LIPI: variants seen among roughly 807,000 people sequenced by gnomAD.
LIPI encodes the protein lipase I.
Under a neutral mutation model 50.6 loss-of-function variants are expected in LIPI, and 59 were observed. The ratio of observed to expected loss-of-function variants is 1.16; its 90% CI spans 0.94 to 1.45. The LOEUF is 1.45. LIPI is among the 40% of genes most tolerant of loss of function. LIPI has a pLI of 0.00. For missense variants in LIPI, 586 were observed against 536.3 expected (o/e 1.09, Z -0.92); for synonymous variants, 203 against 178.2 (o/e 1.14, Z -1.11).
intron 9 of LIPI, among the ~76,000 whole-genome samples, chr21:14,128,719 TC>T: frequency 1.3e-5 from 2 of 152,074 alleles, no homozygotes; most frequent in Non-Finnish European, 2.9e-5. Flanking sequence ...AACTGAAAAT[TC>T]CTTGCTTACA....
chr21:14,196,425 T>G (rs1423716539), intron 1 of LIPI, among the ~76,000 whole-genome samples: 1 of 152,068 alleles, frequency 6.6e-6, no homozygotes, highest in Non-Finnish European at 1.5e-5. Context: ...GTGGAAGGGA[T>G]TAATTGCAAA....
Position 14,204,928 on chromosome 21 carries a change from A to G in LIPI, c.46+5872T>C, listed in dbSNP as rs574721374. On this transcript the variant is annotated intron_variant, in intron 1 of 9. Transcript: ENST00000681601. ...TAGCACATACATTTAAAACATCTGT[A>G]CATAAAGAAACACTATAAACTAGAC... Among the ~76,000 whole-genome samples, 6 of 151,986 alleles carry G rather than the reference A, an allele frequency of 3.9e-5. No individual in the cohort carries two copies. The South Asian group carries it at 1.2e-3, about 31-fold the overall frequency.
intron 9 of LIPI, among the ~76,000 whole-genome samples, chr21:14,116,179 C>A (rs1017082790): frequency 3.3e-5 from 5 of 152,046 alleles, no homozygotes; most frequent in African/African-American, 1.2e-4. Flanking sequence ...GATGAGGAGT[C>A]CTAGGGCAGG....
In LIPI at chr21:14,180,138, A is replaced by G. The variant is rs543197318; in HGVS notation, c.643+1620T>C. 2.1e-3 allele frequency among the ~76,000 whole-genome samples: 326 copies of G among 152,194 alleles called. 2 individuals are homozygous for G. The Middle Eastern group carries it at 0.044, about 21-fold the overall frequency. On this transcript the variant is annotated intron_variant, in intron 4 of 9. Coordinates refer to ENST00000681601, the MANE Select transcript of LIPI (RefSeq NM_001302998.2). The stretch of plus-strand genomic sequence containing the variant: ...GAGATATGCCCTGGTCTCCTGCAGT[A>G]CCCTCAGGCTTCCTAGGGTGGGGAA...
At chr21:14,191,873 T>G (rs902455405) in intron 1 of LIPI, among the ~76,000 whole-genome samples, 3 of 152,202 alleles carry the variant, frequency 2.0e-5, no homozygotes, top group Admixed American at 2.0e-4. Context: ...TAGTCTGGCC[T>G]GTTAGAAAAG....
chr21:14,157,578 G>A (rs1270462251), intron 7 of LIPI, among the ~76,000 whole-genome samples: 2 of 151,800 alleles, frequency 1.3e-5, no homozygotes, highest in Non-Finnish European at 2.9e-5. Context: ...AGTATAAAAT[G>A]AGAAAAAGTT....
chr21:14,115,709 C>T (rs2016604111), intron 9 of LIPI, among the ~76,000 whole-genome samples: 2 of 152,108 alleles, frequency 1.3e-5, no homozygotes, highest in Admixed American at 6.5e-5. Context: ...ACGGAACCGA[C>T]TCAGGAGTTG....
intron 1 of LIPI, among the ~76,000 whole-genome samples, chr21:14,192,648 A>G (rs2019716514): frequency 2.0e-5 from 3 of 152,264 alleles, no homozygotes; most frequent in Admixed American, 6.5e-5. Context: ...TGATGAGATT[A>G]TAAGTGGACT....
At chr21:14,147,674 C>T (rs2017953574) in intron 8 of LIPI, among the ~76,000 whole-genome samples, 1 of 152,192 alleles carries the variant, frequency 6.6e-6, no homozygotes. Context: ...AAATTGGATT[C>T]TCTCCATGTA....
chr21:14,149,889 T>C lies in LIPI; in HGVS notation c.1118+2684A>G, dbSNP rs181319050. ...CTTCCAGCTGCTTTCATGGCTAGCG[T>C]TGGGTGTCTGCAGGTTTTCCAGGTG... On this transcript the variant is annotated intron_variant, in intron 8 of 9. Coordinates refer to ENST00000681601, the MANE Select transcript of LIPI (RefSeq NM_001302998.2). Among the ~76,000 whole-genome samples, 512 of 152,298 alleles carry C rather than the reference T, an allele frequency of 3.4e-3. 3 individuals are homozygous for C. The highest frequency in any genetic ancestry group is 6.2e-3 in the Non-Finnish European group (419 of 68,018).
At chr21:14,197,954 G>A (rs1037337565) in intron 1 of LIPI, among the ~76,000 whole-genome samples, 1 of 152,066 alleles carries the variant, frequency 6.6e-6, no homozygotes, top group African/African-American at 2.4e-5. Context: ...GAACAGATTG[G>A]GAGCCAATGT....
At chr21:14,194,083 T>C (rs556497182) in intron 1 of LIPI, among the ~76,000 whole-genome samples, 1 of 152,146 alleles carries the variant, frequency 6.6e-6, no homozygotes, top group Non-Finnish European at 1.5e-5. Context: ...AAATCAAAAG[T>C]ATAATGAGAT....
intron 7 of LIPI, among the ~76,000 whole-genome samples, chr21:14,161,290 C>T (rs1379163770): frequency 6.8e-6 from 1 of 146,446 alleles, no homozygotes; most frequent in Admixed American, 7.0e-5. Flanking sequence ...TACGTATATT[C>T]CATAAATAGT....
In LIPI at chr21:14,210,876, C is replaced by G. The variant is rs1374093648; in HGVS notation, c.-31G>C. On this transcript the variant is annotated 5_prime_UTR_variant, in exon 1 of 10. It removes the in-frame stop codon of an upstream open reading frame in the 5' UTR. Coordinates refer to ENST00000681601, the MANE Select transcript of LIPI (RefSeq NM_001302998.2). ...ATCTGAGAAAAGCAAAAACAGCACT[C>G]AATTCACCAAAAAGGAAATTCCGTA... 1 of 1,203,306 alleles carries G rather than the reference C, an allele frequency of 8.3e-7. No individual in the cohort carries two copies. Among genetic ancestry groups the G allele is most frequent in the South Asian group, 1.5e-5 (1 of 65,962 alleles). The allele number at this position is 1,203,306 out of a possible 1,614,324, so 74.5% of individuals were successfully genotyped here. A position where few individuals can be genotyped will look rare whatever the true frequency, so the allele number is the denominator to read the frequency against.
chr21:14,180,725 C>T (rs993525066), intron 4 of LIPI, among the ~76,000 whole-genome samples: 1 of 152,130 alleles, frequency 6.6e-6, no homozygotes, highest in Non-Finnish European at 1.5e-5. Flanking sequence ...AGTAGGTGAA[C>T]CTAGATTCCA....
chr21:14,151,802 T>C (rs1430738286), intron 8 of LIPI, among the ~76,000 whole-genome samples: 2 of 152,084 alleles, frequency 1.3e-5, no homozygotes, highest in African/African-American at 2.4e-5. Flanking sequence ...GTACACACAC[T>C]TGCACATACA....
At chr21:14,164,674 G>C (rs73346037) in intron 6 of LIPI, among the ~76,000 whole-genome samples, 1 of 152,106 alleles carries the variant, frequency 6.6e-6, no homozygotes, top group East Asian at 1.9e-4. Context: ...ATATTTTTAT[G>C]TGGATTTTTT....
intron 9 of LIPI, among the ~76,000 whole-genome samples, chr21:14,121,661 G>T (rs1398282938): frequency 6.6e-6 from 1 of 152,060 alleles, no homozygotes; most frequent in Non-Finnish European, 1.5e-5. Flanking sequence ...GGCCCTTATG[G>T]GATGGCCCCC....
At chr21:14,198,581 T>C (rs432514) in intron 1 of LIPI, among the ~76,000 whole-genome samples, 21,612 of 152,048 alleles carry the variant, frequency 0.14, 1,965 homozygotes, top group South Asian at 0.21. Flanking sequence ...CCTAAATATA[T>C]ATGTACCCAA....
Sources: allele counts gnomAD v4.1 joint callset (sites outside exome capture counted in the v4.1 genomes callset), GRCh38; gene constraint gnomAD v4.1.1; transcripts MANE v1.5; gene names NCBI Gene and HGNC (gene_info 2026-07-23, HGNC 2026-07-21).